NRDE2: variants seen among roughly 807,000 people sequenced by gnomAD.
NRDE2 encodes the protein NRDE-2, necessary for RNA interference, domain containing, also known as nuclear exosome regulator NRDE2.
NRDE2 carries 76 observed loss-of-function variants against 124.2 expected under a neutral mutation model. The observed-to-expected ratio is 0.61, with a 90% confidence interval of 0.51 to 0.74. The LOEUF (loss-of-function observed/expected upper bound fraction) is 0.74, where lower values mean the gene tolerates loss of function less well. NRDE2 is among the 30% of genes least tolerant of loss of function. The pLI is 0.00. For synonymous variants in NRDE2, 489 were observed against 528.1 expected, an observed-to-expected ratio of 0.93 and a Z score of 1.01; for missense variants, 1,314 against 1,417.3, an observed-to-expected ratio of 0.93 and a Z score of 1.17.
chr14:90,294,891 C>T (rs1364450100), intron 8 of NRDE2, among the ~76,000 whole-genome samples: 1 of 152,094 alleles, frequency 6.6e-6, no homozygotes, highest in Non-Finnish European at 1.5e-5. Flanking sequence ...ATATAACCTT[C>T]ATGAGATAAC....
chr14:90,286,606 AG>A (rs375919379), intron 11 of NRDE2, 114 bp from the exon 12 acceptor site: 1 of 1,325,908 alleles, frequency 7.5e-7, no homozygotes, highest in African/African-American at 1.5e-5. Flanking sequence ...AGACAGACTC[AG>A]GGGAGAACTG....
intron 1 of NRDE2, among the ~76,000 whole-genome samples, chr14:90,323,522 G>A (rs968216730): frequency 6.6e-6 from 1 of 152,178 alleles, no homozygotes; most frequent in Non-Finnish European, 1.5e-5. Flanking sequence ...AGGGCCAAGT[G>A]TATAAATAAA....
intron 1 of NRDE2, among the ~76,000 whole-genome samples, chr14:90,325,395 A>G (rs1885388728): frequency 6.6e-6 from 1 of 152,206 alleles, no homozygotes; most frequent in African/African-American, 2.4e-5. Flanking sequence ...AAGGGGTCAG[A>G]TGCTGGGCAC....
In NRDE2 at chr14:90,302,809, T is replaced by C. The variant is rs1884452848; in HGVS notation, c.1322A>G (p.Tyr441Cys). ...AGACAAAGTGCTCAAGCATTTTCCA[T>C]AAAGACTGTGAATTTTTGATATCGA... Reference protein sequence around the residue: ...TFSISKIHSLYGKCLSTLSAV... With the variant: ...TFSISKIHSLCGKCLSTLSAV... Residue 441 changes from tyrosine (Y) to cysteine (C), a missense_variant, in exon 6 of 14, where the codon TAT becomes TGT. Transcript: ENST00000354366. 1.9e-6 allele frequency: 3 copies of C among 1,614,156 alleles called. No homozygotes were observed. The highest frequency in any genetic ancestry group is 2.5e-6 in the Non-Finnish European group (3 of 1,180,032).
chr14:90,321,166 T>C (rs892771585), intron 1 of NRDE2, among the ~76,000 whole-genome samples: 1 of 152,050 alleles, frequency 6.6e-6, no homozygotes, highest in African/African-American at 2.4e-5. Flanking sequence ...TGGAAGAAAA[T>C]GTAAAGAAAT....
chr14:90,311,814 G>A (rs554218699), intron 4 of NRDE2, among the ~76,000 whole-genome samples: 2 of 152,138 alleles, frequency 1.3e-5, no homozygotes, highest in South Asian at 4.2e-4. Flanking sequence ...TTTTAAGAAA[G>A]TTTACAAATT....
chr14:90,274,277 G>A lies in NRDE2; in HGVS notation c.*4059C>T, dbSNP rs192816380. On this transcript the variant is annotated 3_prime_UTR_variant, in exon 14 of 14. Coordinates refer to ENST00000354366, the MANE Select transcript of NRDE2 (RefSeq NM_017970.4). ...GCAGGGCTGGGGTGGTCCGATAGGGGGAGTCAGTGTGGGCAGCCTGATGTG... is the reference window on the plus strand; with the variant it reads ...GCAGGGCTGGGGTGGTCCGATAGGGAGAGTCAGTGTGGGCAGCCTGATGTG... 41 of 155,748 alleles carry A rather than the reference G, an allele frequency of 2.6e-4. No individual in the cohort carries two copies. Among genetic ancestry groups the A allele is most frequent in the African/African-American group, 8.9e-4 (37 of 41,618 alleles). The allele number at this position is 155,748 out of a possible 1,614,324, so 9.6% of individuals were successfully genotyped here. A position where few individuals can be genotyped will look rare whatever the true frequency, so the allele number is the denominator to read the frequency against.
intron 9 of NRDE2, among the ~76,000 whole-genome samples, chr14:90,291,568 AAAG>A (rs1415297845): frequency 6.6e-6 from 1 of 152,198 alleles, no homozygotes; most frequent in Non-Finnish European, 1.5e-5. Context: ...GATACCAAAG[AAAG>A]ATTCCACTCT....
intron 3 of NRDE2, among the ~76,000 whole-genome samples, chr14:90,313,116 CTCA>C (rs1183496969): frequency 2.7e-5 from 4 of 149,504 alleles, no homozygotes; most frequent in African/African-American, 9.8e-5. Context: ...TGGTCTCAGC[CTCA>C]TTTTTTTTTT....
At chr14:90,320,408 G>A (rs966201386) in intron 1 of NRDE2, among the ~76,000 whole-genome samples, 4 of 152,170 alleles carry the variant, frequency 2.6e-5, no homozygotes, top group Non-Finnish European at 4.4e-5. Context: ...ACTCACTATC[G>A]TGAGAACAGC....
rs755241944 is a variant in NRDE2 at position 90,292,862 on chromosome 14, G to A, written c.1677C>T (p.Asp559=). 2.8e-5 allele frequency: 45 copies of A among 1,613,416 alleles called. No individual in the cohort carries two copies. The East Asian group carries it at 4.2e-4, about 15-fold the overall frequency. The change falls in exon 9 of 14, where the codon GAC becomes GAT. Residue 559 remains aspartate, a synonymous_variant. Transcript: ENST00000354366. ...CCTGGTCATCCTCTTCTGGTTCATC[G>A]TCATCCTCATCTAGACAAGAATGAG... ...GWVVINPDED[D]DEPEEDDQEI... is the part of the protein sequence containing the mutation.
Position 90,269,979 on chromosome 14 carries a change from T to C in NRDE2, c.*8357A>G, listed in dbSNP as rs1595046048. On this transcript the variant is annotated 3_prime_UTR_variant, in exon 14 of 14. Coordinates refer to ENST00000354366, the MANE Select transcript of NRDE2 (RefSeq NM_017970.4). Reference sequence around the variant, plus strand: ...TGCTCCTTTCATTTATTTCTGAAGGTACCAAAGCAGAGAGAGTTTCTTTTA... The same window carrying C: ...TGCTCCTTTCATTTATTTCTGAAGGCACCAAAGCAGAGAGAGTTTCTTTTA... 5.6e-6 allele frequency: 3 copies of C among 535,662 alleles called. No homozygotes were observed. The highest frequency in any genetic ancestry group is 9.7e-6 in the Non-Finnish European group (3 of 308,530). The allele number at this position is 535,662 out of a possible 1,614,324, so 33.2% of individuals were successfully genotyped here. A position where few individuals can be genotyped will look rare whatever the true frequency, so the allele number is the denominator to read the frequency against.
rs1491397403 is a variant in NRDE2, at chr14:90,274,838, A to ACACCCCCC, written c.*3497_*3498insGGGGGGTG. ...CACACACACACACACACACACACAC[A>ACACCCCCC]CCCCAATACATATGAATTGATCTGA... On this transcript the variant is annotated 3_prime_UTR_variant, in exon 14 of 14. Transcript: ENST00000354366. The ACACCCCCC allele has an allele frequency of 2.2e-4, 15 of 67,212 alleles. No individual in the cohort carries two copies. Among genetic ancestry groups the ACACCCCCC allele is most frequent in the East Asian group, 1.0e-3 (3 of 2,952 alleles). 4.2% of individuals were successfully genotyped at this position (67,212 alleles called of 1,614,324 possible).
At chr14:90,315,013 C>A (rs997169779) in intron 3 of NRDE2, among the ~76,000 whole-genome samples, 1 of 151,482 alleles carries the variant, frequency 6.6e-6, no homozygotes, top group Non-Finnish European at 1.5e-5. Flanking sequence ...CCCGTCTCTA[C>A]TAAAAACACA....
chr14:90,329,413 C>T lies in NRDE2; in HGVS notation c.64+2428G>A, dbSNP rs1185117195. On this transcript the variant is annotated intron_variant, in intron 1 of 13. Transcript: ENST00000354366. ...TCTTGAAGATCCATCCAAAACTTAG[C>T]TCCTGGCTAGGCACAGTGGCTCACG... 2.6e-5 allele frequency among the ~76,000 whole-genome samples: 4 copies of T among 152,164 alleles called. No homozygotes were observed. The East Asian group carries it at 7.7e-4, about 29-fold the overall frequency.
At chr14:90,299,880 A>T (rs550158865) in intron 7 of NRDE2, among the ~76,000 whole-genome samples, 21 of 152,362 alleles carry the variant, frequency 1.4e-4, no homozygotes, top group Non-Finnish European at 2.6e-4. Flanking sequence ...CAGACCAGTA[A>T]TATCAGACCT....
chr14:90,270,058 T>C lies in NRDE2; in HGVS notation c.*8278A>G, dbSNP rs764795653. 1.2e-6 allele frequency: 1 copy of C among 864,284 alleles called. No individual in the cohort carries two copies. 53.5% of individuals were successfully genotyped at this position (864,284 alleles called of 1,614,324 possible). ...ACAAACTACAAAAATATATGTTTAC[T>C]TTTTAAAATTTAGACATCCTTCCCA... On this transcript the variant is annotated 3_prime_UTR_variant, in exon 14 of 14. Transcript: ENST00000354366.
chr14:90,278,998 G>T, intron 13 of NRDE2, 64 bp downstream of exon 13: 1 of 1,166,792 alleles, frequency 8.6e-7, no homozygotes, highest in Non-Finnish European at 1.3e-6. Context: ...GAAGACACTA[G>T]CTGGACGGAG....
chr14:90,301,211 G>A, intron 7 of NRDE2, 28 bp downstream of exon 7: 2 of 1,610,760 alleles, frequency 1.2e-6, no homozygotes, highest in Non-Finnish European at 1.7e-6. Context: ...GCCAGGAAGA[G>A]AGAGATGAGG....
Sources: allele counts gnomAD v4.1 joint callset (sites outside exome capture counted in the v4.1 genomes callset), GRCh38; gene constraint gnomAD v4.1.1; transcripts MANE v1.5; gene names NCBI Gene and HGNC (gene_info 2026-07-23, HGNC 2026-07-21).